The following KIAA1671 variants were observed in gnomAD, a reference collection of about 807,000 sequenced individuals.
The protein encoded by KIAA1671 is uncharacterized protein KIAA1671.
A neutral mutation model predicts 131.2 loss-of-function variants in KIAA1671; 52 were observed. That is an observed-to-expected ratio of 0.40 (90% CI 0.32 to 0.50). The LOEUF (loss-of-function observed/expected upper bound fraction) is 0.50, where lower values mean the gene tolerates loss of function less well. Among genes scored for constraint, KIAA1671 ranks in the 20% least tolerant of loss-of-function variants. KIAA1671 has a pLI of 0.73. For synonymous variants in KIAA1671, 1,003 were observed against 961.6 expected (o/e 1.04, Z -0.80); for missense variants, 2,360 against 2,364.2 (o/e 1.00, Z 0.04).
chr22:24,985,520 T>C (rs957738891), intron 1 of KIAA1671, among the ~76,000 whole-genome samples: 1 of 152,136 alleles, frequency 6.6e-6, no homozygotes, highest in Non-Finnish European at 1.5e-5. Flanking sequence ...TTTGTATTTT[T>C]AGTAAAGATG....
chr22:25,126,590 A>G (rs1045432453), intron 6 of KIAA1671, among the ~76,000 whole-genome samples: 3 of 152,204 alleles, frequency 2.0e-5, no homozygotes, highest in African/African-American at 7.2e-5. Context: ...ATTGTTCTTC[A>G]TGGAGGAGTT....
chr22:25,165,373 G>GT (rs1933612086), intron 6 of KIAA1671, among the ~76,000 whole-genome samples: 1 of 152,200 alleles, frequency 6.6e-6, no homozygotes, highest in South Asian at 2.1e-4. Context: ...CTGGATTCAA[G>GT]TCCAGGTGTT....
intron 6 of KIAA1671, among the ~76,000 whole-genome samples, chr22:25,086,086 A>C (rs879427182): frequency 2.0e-5 from 3 of 152,204 alleles, no homozygotes; most frequent in Non-Finnish European, 4.4e-5. Context: ...GTCTTGTTTC[A>C]TATCTATATG....
At chr22:25,168,962 G>A (rs1021854272) in intron 6 of KIAA1671, among the ~76,000 whole-genome samples, 5 of 152,118 alleles carry the variant, frequency 3.3e-5, no homozygotes, top group African/African-American at 7.2e-5. Flanking sequence ...AGGGAACCCC[G>A]GAAGGTTTTT....
chr22:24,998,210 G>A (rs1208429676), intron 1 of KIAA1671, among the ~76,000 whole-genome samples: 2 of 152,004 alleles, frequency 1.3e-5, no homozygotes, highest in Non-Finnish European at 2.9e-5. Flanking sequence ...AGACTAGCCT[G>A]AGCAACATGG....
At chr22:25,189,383 C>T (rs916706287) in intron 11 of KIAA1671, among the ~76,000 whole-genome samples, 3 of 151,908 alleles carry the variant, frequency 2.0e-5, no homozygotes, top group Admixed American at 6.6e-5. Flanking sequence ...CCGTGTTAGC[C>T]GGGATGGTCT....
At chr22:25,190,858 G>A (rs1420467363) in intron 12 of KIAA1671, 74 bp downstream of exon 12, 8 of 1,023,090 alleles carry the variant, frequency 7.8e-6, no homozygotes, top group African/African-American at 3.2e-5. Context: ...GGGGGGCCAC[G>A]CTTCAGAGAC....
intron 6 of KIAA1671, among the ~76,000 whole-genome samples, chr22:25,124,117 C>A (rs1417015453): frequency 2.0e-5 from 3 of 152,210 alleles, no homozygotes; most frequent in African/African-American, 4.8e-5. Flanking sequence ...GGCTTTTGAG[C>A]AGCTCACCCT....
chr22:25,093,744 C>CTG (rs1930171653), intron 6 of KIAA1671, among the ~76,000 whole-genome samples: 3 of 105,028 alleles, frequency 2.9e-5, no homozygotes, highest in Admixed American at 9.0e-5. Flanking sequence ...CACACTCTCT[C>CTG]TCTCTCTCTC....
intron 5 of KIAA1671, among the ~76,000 whole-genome samples, chr22:25,045,437 A>G (rs1927170126): frequency 6.6e-6 from 1 of 152,228 alleles, no homozygotes; most frequent in African/African-American, 2.4e-5. Flanking sequence ...CCCCCACTGC[A>G]AAGAATGCTC....
intron 6 of KIAA1671, among the ~76,000 whole-genome samples, chr22:25,154,696 A>G (rs1227542513): frequency 6.6e-6 from 1 of 152,186 alleles, no homozygotes; most frequent in Admixed American, 6.5e-5. Flanking sequence ...GTGTTCATCA[A>G]CAAAGGACTC....
At chr22:25,093,750 C>CTTTCTCTCTCTCTCTG (rs1568951040) in intron 6 of KIAA1671, among the ~76,000 whole-genome samples, 1 of 119,040 alleles carries the variant, frequency 8.4e-6, no homozygotes, top group South Asian at 2.9e-4. Context: ...CTCTCTCTCT[C>CTTTCTCTCTCTCTCTG]TCTCTCTCTC....
At chr22:25,047,891 T>A (rs1927334620) in intron 5 of KIAA1671, among the ~76,000 whole-genome samples, 1 of 152,260 alleles carries the variant, frequency 6.6e-6, no homozygotes, top group Non-Finnish European at 1.5e-5. Flanking sequence ...AATCACTGCC[T>A]AAGCCTAGCT....
At chr22:24,992,883 C>T (rs181121422) in intron 1 of KIAA1671, among the ~76,000 whole-genome samples, 2 of 147,770 alleles carry the variant, frequency 1.4e-5, no homozygotes, top group African/African-American at 5.0e-5. Flanking sequence ...GCAAATCTCT[C>T]AGCTACTATT....
At chr22:25,149,495 C>T (rs1932966271) in intron 6 of KIAA1671, among the ~76,000 whole-genome samples, 1 of 152,116 alleles carries the variant, frequency 6.6e-6, no homozygotes. Context: ...CCTCCCCTTC[C>T]CTAGAGCTCT....
chr22:25,168,193 C>T (rs533860506), intron 6 of KIAA1671, among the ~76,000 whole-genome samples: 1 of 152,292 alleles, frequency 6.6e-6, no homozygotes, highest in Non-Finnish European at 1.5e-5. Flanking sequence ...CTACTGCGTG[C>T]CAGGCAGGCT....
chr22:25,000,294 C>T (rs574787037), intron 1 of KIAA1671, among the ~76,000 whole-genome samples: 2 of 72,808 alleles, frequency 2.7e-5, no homozygotes, highest in East Asian at 5.1e-4. Context: ...CCCGGGTTCA[C>T]GCCATTCTCC....
chr22:25,158,073 G>A (rs1022153996), intron 6 of KIAA1671, among the ~76,000 whole-genome samples: 16 of 152,080 alleles, frequency 1.1e-4, no homozygotes, highest in African/African-American at 2.2e-4. Context: ...CGCCTGCCTC[G>A]GCCTCCCAAA....
chr22:25,013,954 A>C (rs1925175648), intron 1 of KIAA1671: 1 of 152,186 alleles, frequency 6.6e-6, no homozygotes, highest in South Asian at 2.1e-4. Context: ...CTGACCTCCA[A>C]AGCTTTGAAT....
Sources: allele counts gnomAD v4.1 joint callset (sites outside exome capture counted in the v4.1 genomes callset), GRCh38; gene constraint gnomAD v4.1.1; transcripts MANE v1.5; gene names NCBI Gene and HGNC (gene_info 2026-07-23, HGNC 2026-07-21).